GPATCH2: variants seen among roughly 807,000 people sequenced by gnomAD.
GPATCH2 encodes G patch domain-containing protein 2.
Under a neutral mutation model 58.0 loss-of-function variants are expected in GPATCH2, and 51 were observed. The observed-to-expected ratio is 0.88, with a 90% CI of 0.70 to 1.11. GPATCH2 has a LOEUF of 1.11. GPATCH2 is among the 50% of genes most tolerant of loss of function. GPATCH2 has a pLI of 0.00. For synonymous variants in GPATCH2, 222 were observed against 218.5 expected, an observed-to-expected ratio of 1.02 and a Z score of -0.14; for missense variants, 625 against 652.2, an observed-to-expected ratio of 0.96 and a Z score of 0.45.
intron 5 of GPATCH2, among the ~76,000 whole-genome samples, chr1:217,586,233 T>A (rs958703818): frequency 6.6e-6 from 1 of 152,222 alleles, no homozygotes; most frequent in Admixed American, 6.5e-5. Context: ...ACTTTTAACT[T>A]TATCAACCTT....
At chr1:217,521,404 A>G (rs1295902192) in intron 5 of GPATCH2, among the ~76,000 whole-genome samples, 1 of 142,842 alleles carries the variant, frequency 7.0e-6, no homozygotes, top group African/African-American at 2.6e-5. Flanking sequence ...TGTTTTCTGT[A>G]TTTGGGGATT....
chr1:217,597,158 C>T (rs1222556313), intron 5 of GPATCH2, among the ~76,000 whole-genome samples: 20 of 150,428 alleles, frequency 1.3e-4, no homozygotes, highest in Non-Finnish European at 3.0e-4. Context: ...GACCCCTGTC[C>T]CTACCAAAAA....
chr1:217,619,645 T>C (rs1326306506), intron 2 of GPATCH2, 138 bp downstream of exon 2: 9 of 412,854 alleles, frequency 2.2e-5, no homozygotes, highest in Non-Finnish European at 3.7e-5. Flanking sequence ...TAAGGAAATA[T>C]AACCATAGCT....
chr1:217,623,616 T>C (rs914521895), intron 1 of GPATCH2, among the ~76,000 whole-genome samples: 10 of 152,038 alleles, frequency 6.6e-5, no homozygotes. Flanking sequence ...AAAACTTATT[T>C]TTAGGCTGGG....
rs532691345 is a variant in GPATCH2, at chr1:217,570,627, C to T, written c.1098+39694G>A. On this transcript the variant is annotated intron_variant, in intron 5 of 9. Transcript: ENST00000366935. ...TATTTCCTTTGTAGCTATAAAATTTCAAGACACCAACAAACTAATAACCAA... is the reference window on the plus strand; with the variant it reads ...TATTTCCTTTGTAGCTATAAAATTTTAAGACACCAACAAACTAATAACCAA... Among the ~76,000 whole-genome samples, 5 of 152,174 alleles carry T rather than the reference C, an allele frequency of 3.3e-5. No individual in the cohort carries two copies. The East Asian group carries it at 9.7e-4, about 29-fold the overall frequency.
intron 3 of GPATCH2, among the ~76,000 whole-genome samples, chr1:217,612,141 C>T (rs544099070): frequency 2.0e-5 from 3 of 151,970 alleles, no homozygotes; most frequent in Admixed American, 1.3e-4. Context: ...GATTGCACCA[C>T]CAGCCCTCCA....
intron 3 of GPATCH2, among the ~76,000 whole-genome samples, chr1:217,613,198 G>C (rs1162504768): frequency 6.6e-6 from 1 of 151,792 alleles, no homozygotes; most frequent in Non-Finnish European, 1.5e-5. Flanking sequence ...TAAAGTCCAT[G>C]GTCTTTCAAA....
At chr1:217,488,829 C>T (rs1178221266) in intron 8 of GPATCH2, among the ~76,000 whole-genome samples, 2 of 151,490 alleles carry the variant, frequency 1.3e-5, no homozygotes, top group Admixed American at 6.6e-5. Context: ...GTAGCTGGGA[C>T]TACAGACATG....
chr1:217,609,328 G>A (rs1436109811), intron 5 of GPATCH2: 1 of 985,016 alleles, frequency 1.0e-6, no homozygotes, highest in Non-Finnish European at 1.2e-6. Flanking sequence ...ATATGATTCA[G>A]AATCACACAG....
chr1:217,595,628 T>C (rs949897579), intron 5 of GPATCH2, among the ~76,000 whole-genome samples: 1 of 151,972 alleles, frequency 6.6e-6, no homozygotes, highest in Non-Finnish European at 1.5e-5. Context: ...GCCTCCCGAG[T>C]AGCTGGGATT....
chr1:217,531,552 ATAG>A (rs1237804892), intron 5 of GPATCH2, among the ~76,000 whole-genome samples: 4 of 152,224 alleles, frequency 2.6e-5, no homozygotes, highest in African/African-American at 7.2e-5. Flanking sequence ...CACAAAAAAA[ATAG>A]TAGACAATAC....
chr1:217,429,796 C>A lies in GPATCH2; in HGVS notation c.*1349G>T, dbSNP rs1314808727. ...TGAGCCGAGAGTGCGCCACTGCACT[C>A]CAGCCTGGGCGACAGAGGCAGACTC... On this transcript the variant is annotated 3_prime_UTR_variant, in exon 10 of 10. Transcript: ENST00000366935. 6.9e-6 allele frequency: 1 copy of A among 145,622 alleles called. No homozygotes were observed. The highest frequency in any genetic ancestry group is 1.5e-5 in the Non-Finnish European group (1 of 67,042). 9.0% of individuals were successfully genotyped at this position (145,622 alleles called of 1,614,324 possible).
intron 5 of GPATCH2, among the ~76,000 whole-genome samples, chr1:217,524,715 G>A (rs1254514967): frequency 2.6e-5 from 4 of 150,946 alleles, no homozygotes; most frequent in Non-Finnish European, 4.4e-5. Flanking sequence ...ACGAAAACCA[G>A]TCAGGCGTGG....
chr1:217,598,321 G>C (rs1181184840), intron 5 of GPATCH2, among the ~76,000 whole-genome samples: 1 of 152,074 alleles, frequency 6.6e-6, no homozygotes, highest in Non-Finnish European at 1.5e-5. Flanking sequence ...CTGGGAACTG[G>C]AGGTTGCAGC....
chr1:217,487,107 G>A (rs1000843430), intron 8 of GPATCH2, among the ~76,000 whole-genome samples: 1 of 152,120 alleles, frequency 6.6e-6, no homozygotes, highest in Admixed American at 6.6e-5. Flanking sequence ...CCTCAGCCAG[G>A]CTGGATTGCC....
intron 8 of GPATCH2, among the ~76,000 whole-genome samples, chr1:217,469,163 G>A (rs1056736420): frequency 6.6e-6 from 1 of 152,066 alleles, no homozygotes; most frequent in Non-Finnish European, 1.5e-5. Context: ...TTTATCTGAG[G>A]TTTATTGTCC....
At chr1:217,467,326 A>G (rs1660508736) in intron 8 of GPATCH2, among the ~76,000 whole-genome samples, 3 of 152,212 alleles carry the variant, frequency 2.0e-5, no homozygotes, top group Non-Finnish European at 4.4e-5. Context: ...AAATACATTA[A>G]AAAGAAACCT....
chr1:217,468,851 C>T (rs895493653), intron 8 of GPATCH2, among the ~76,000 whole-genome samples: 8 of 151,506 alleles, frequency 5.3e-5, no homozygotes, highest in Non-Finnish European at 1.2e-4. Context: ...TTATCTAAGC[C>T]AGTTAATAGA....
chr1:217,450,261 TA>T (rs1246779166), intron 8 of GPATCH2, among the ~76,000 whole-genome samples: 1 of 152,100 alleles, frequency 6.6e-6, no homozygotes, highest in Non-Finnish European at 1.5e-5. Flanking sequence ...CATGTTCTTT[TA>T]GTAAGACAGA....
Sources: allele counts gnomAD v4.1 joint callset (sites outside exome capture counted in the v4.1 genomes callset), GRCh38; gene constraint gnomAD v4.1.1; transcripts MANE v1.5; gene names NCBI Gene and HGNC (gene_info 2026-07-23, HGNC 2026-07-21).